Variants in TRIM24 observed in about 807,000 individuals in gnomAD.
TRIM24 encodes the protein transcription intermediary factor 1-alpha.
A neutral mutation model predicts 123.9 loss-of-function variants in TRIM24; 29 were observed. That is an observed-to-expected ratio of 0.23 (90% CI 0.17 to 0.32). The LOEUF is 0.32. TRIM24 is among the 10% of genes least tolerant of loss of function. The pLI, the probability that TRIM24 is intolerant of heterozygous loss-of-function variation, is 1.00. For synonymous variants in TRIM24, 456 were observed against 461.1 expected, an observed-to-expected ratio of 0.99 and a Z score of 0.14; for missense variants, 932 against 1,295.3, an observed-to-expected ratio of 0.72 and a Z score of 4.31.
intron 9 of TRIM24, among the ~76,000 whole-genome samples, chr7:138,558,016 CA>C (rs1236655732): frequency 1.3e-5 from 2 of 152,222 alleles, no homozygotes; most frequent in South Asian, 2.1e-4. Context: ...TTTGTTTCAT[CA>C]TAAACAGGGT....
chr7:138,495,321 G>A (rs1009895776), intron 1 of TRIM24, among the ~76,000 whole-genome samples: 2 of 152,068 alleles, frequency 1.3e-5, no homozygotes, highest in Admixed American at 6.5e-5. Flanking sequence ...AAAATGTATC[G>A]AATTGGCAAC....
chr7:138,555,852 G>A (rs1797305589), intron 9 of TRIM24, among the ~76,000 whole-genome samples: 1 of 152,046 alleles, frequency 6.6e-6, no homozygotes, highest in African/African-American at 2.4e-5. Context: ...AACCATAACA[G>A]TTTAGGAGGG....
chr7:138,580,300 G>A (rs1797865679), intron 15 of TRIM24, among the ~76,000 whole-genome samples: 1 of 152,018 alleles, frequency 6.6e-6, no homozygotes, highest in Non-Finnish European at 1.5e-5. Flanking sequence ...AATTTGTTTA[G>A]GTGTTTCTTT....
At position 138,538,636 on chromosome 7, in the gene TRIM24, A is replaced by G. The variant is rs771414177; in HGVS notation, c.997-21A>G. ...ATGTTACATGCTGATACTAATTTTG[A>G]AACTATTTTCTTGTTTTCAGAGCCT... On this transcript the variant is annotated intron_variant, in intron 6 of 18. Coordinates refer to ENST00000343526, the MANE Select transcript of TRIM24 (RefSeq NM_015905.3). The G allele has an allele frequency of 3.1e-6, 5 of 1,613,230 alleles. No individual in the cohort carries two copies. In the East Asian group the frequency reaches 8.9e-5, roughly 29 times the overall value.
At chr7:138,528,346 G>T (rs183111515) in intron 5 of TRIM24, among the ~76,000 whole-genome samples, 3 of 152,226 alleles carry the variant, frequency 2.0e-5, no homozygotes, top group East Asian at 1.9e-4. Context: ...CCCCATGTTG[G>T]GGGAGTGCTG....
At chr7:138,569,175 T>C (rs1410782822) in intron 10 of TRIM24, among the ~76,000 whole-genome samples, 3 of 152,204 alleles carry the variant, frequency 2.0e-5, no homozygotes, top group Admixed American at 1.3e-4. Flanking sequence ...CAGAGTTATG[T>C]TGAGAGTTTA....
intron 1 of TRIM24, among the ~76,000 whole-genome samples, chr7:138,478,398 CTG>C (rs60590489): frequency 0.27 from 40,665 of 151,942 alleles, 6,116 homozygotes; most frequent in East Asian, 0.49. Flanking sequence ...TCCCAGCACT[CTG>C]GAAGGCTGAG....
intron 9 of TRIM24, chr7:138,556,158 A>T (rs367796381): frequency 6.6e-6 from 1 of 152,104 alleles, no homozygotes; most frequent in Non-Finnish European, 1.5e-5. Flanking sequence ...AATTCATAAA[A>T]TTTTCATAGA....
chr7:138,579,001 C>G (rs1797835241), intron 14 of TRIM24, among the ~76,000 whole-genome samples: 1 of 146,382 alleles, frequency 6.8e-6, no homozygotes, highest in South Asian at 2.1e-4. Context: ...CATCCCCAGA[C>G]TTAGATTTTT....
At chr7:138,537,242 G>A (rs542784683) in intron 6 of TRIM24, among the ~76,000 whole-genome samples, 67 of 152,110 alleles carry the variant, frequency 4.4e-4, no homozygotes, top group Non-Finnish European at 9.0e-4. Flanking sequence ...TGTCCGACAA[G>A]CCCCAGTGAC....
chr7:138,530,652 A>AG (rs950692865), intron 6 of TRIM24, among the ~76,000 whole-genome samples: 6 of 150,314 alleles, frequency 4.0e-5, no homozygotes, highest in Admixed American at 1.3e-4. Flanking sequence ...TTTTTTTAAG[A>AG]GGGGGGGTTT....
Position 138,554,810 on chromosome 7 carries a change from G to A in TRIM24, c.1374G>A (p.Lys458=), listed in dbSNP as rs1233372993. ...GTTTATCATCAAACCAGTTATCCAA[G>A]TTCCCAACACAGATCAGCCTAGCTC... is the stretch of plus-strand genomic sequence containing the variant. ...PSGLSSNQLS[K]FPTQISLAQL... Residue 458 remains lysine (K), a synonymous_variant, in exon 9 of 19, where the codon AAG becomes AAA. Transcript: ENST00000343526. The surrounding 1 kb of genome is among the most constrained non-coding windows in gnomAD (Gnocchi z 4.5). The A allele has an allele frequency of 6.2e-7, 1 of 1,614,198 alleles. No individual in the cohort carries two copies. Among genetic ancestry groups the A allele is most frequent in the Admixed American group, 1.7e-5 (1 of 60,028 alleles).
chr7:138,581,561 C>G (rs1300563751), intron 16 of TRIM24, 136 bp from the exon 17 acceptor site: 2 of 667,676 alleles, frequency 3.0e-6, no homozygotes, highest in East Asian at 5.5e-5. Context: ...CTCCGAGAAT[C>G]AGTAATTTTT....
At chr7:138,559,684 G>T (rs147562488) in intron 9 of TRIM24, among the ~76,000 whole-genome samples, 2 of 152,154 alleles carry the variant, frequency 1.3e-5, no homozygotes, top group Non-Finnish European at 2.9e-5. Flanking sequence ...GGATCAGCTG[G>T]GTCAGATGGT....
At chr7:138,550,564 G>A (rs1260370092) in intron 7 of TRIM24, among the ~76,000 whole-genome samples, 2 of 152,070 alleles carry the variant, frequency 1.3e-5, no homozygotes, top group African/African-American at 2.4e-5. Context: ...ATGGTGTGGT[G>A]TGATGATATG....
At chr7:138,518,550 T>C (rs1172805786) in intron 3 of TRIM24, among the ~76,000 whole-genome samples, 2 of 152,216 alleles carry the variant, frequency 1.3e-5, no homozygotes, top group African/African-American at 2.4e-5. Context: ...TTATTATTTC[T>C]GTGTTAATGG....
chr7:138,546,388 CTT>C (rs1206673154), intron 7 of TRIM24, among the ~76,000 whole-genome samples: 2 of 152,176 alleles, frequency 1.3e-5, no homozygotes, highest in Non-Finnish European at 2.9e-5. Context: ...AGCTAAGCAA[CTT>C]ATATCCTTGA....
intron 6 of TRIM24, among the ~76,000 whole-genome samples, chr7:138,533,008 T>A (rs917534169): frequency 2.0e-5 from 3 of 152,226 alleles, no homozygotes; most frequent in African/African-American, 7.2e-5. Context: ...GATTTGGCTC[T>A]CTGTTTGTCT....
intron 2 of TRIM24, among the ~76,000 whole-genome samples, chr7:138,511,926 A>G (rs1468136052): frequency 2.0e-5 from 3 of 152,186 alleles, no homozygotes; most frequent in Non-Finnish European, 2.9e-5. Context: ...TCTTCTCCCT[A>G]TGAGCCTGTA....
Sources: gnomAD v4.1 joint callset for allele counts (sites outside exome capture counted in the v4.1 genomes callset) on GRCh38, gnomAD v4.1.1 for gene constraint, Gnocchi (gnomAD v3.1) non-coding constraint, MANE v1.5 for transcripts, NCBI Gene and HGNC (gene_info 2026-07-23, HGNC 2026-07-21) for gene names.